Variants in CHRDL2 observed in about 807,000 individuals in gnomAD.
CHRDL2 encodes the protein chordin-like protein 2.
Under a neutral mutation model 54.3 loss-of-function variants are expected in CHRDL2, and 41 were observed. That is an observed-to-expected ratio of 0.76 (90% CI 0.59 to 0.98). The LOEUF (loss-of-function observed/expected upper bound fraction) is 0.98. Among genes scored for constraint, CHRDL2 ranks in the 50% least tolerant of loss-of-function variants. The pLI, the probability that CHRDL2 is intolerant of heterozygous loss-of-function variation, is 0.00. For missense variants in CHRDL2, 518 were observed against 562.4 expected, an observed-to-expected ratio of 0.92 and a Z score of 0.80; for synonymous variants, 220 against 224.3, an observed-to-expected ratio of 0.98 and a Z score of 0.17.
chr11:74,710,124 G>A (rs111852848), intron 4 of CHRDL2, among the ~76,000 whole-genome samples: 87 of 151,798 alleles, frequency 5.7e-4, no homozygotes, highest in African/African-American at 2.0e-3. Context: ...TCTGAGGCAG[G>A]AGAATGGCAT....
At chr11:74,716,482 C>T (rs2034355044) in intron 2 of CHRDL2, among the ~76,000 whole-genome samples, 1 of 148,788 alleles carries the variant, frequency 6.7e-6, no homozygotes, top group South Asian at 2.1e-4. Context: ...TTGCAGTGAG[C>T]CAAGATTGCA....
rs761536390 is a variant in CHRDL2 at position 74,713,380 on chromosome 11, A to G, written c.289+6T>C. On this transcript the variant is annotated splice_donor_region_variant and intron_variant, in intron 3 of 10. Transcript: ENST00000376332. ...ATGGACGATGGGGAGGAGCATGGCT[A>G]CTTACCCACACACTTGGGACAGCAT... The G allele has an allele frequency of 3.1e-6, 5 of 1,612,362 alleles. No individual in the cohort carries two copies. The highest frequency in any genetic ancestry group is 1.1e-5 in the South Asian group (1 of 91,024).
At chr11:74,723,854 C>A (rs1457709312) in intron 1 of CHRDL2, among the ~76,000 whole-genome samples, 1 of 152,086 alleles carries the variant, frequency 6.6e-6, no homozygotes, top group Non-Finnish European at 1.5e-5. Flanking sequence ...CTGGAATTTC[C>A]AATTTAACAT....
intron 9 of CHRDL2, chr11:74,697,798 A>G: frequency 3.4e-6 from 1 of 295,242 alleles, no homozygotes; most frequent in South Asian, 3.0e-5. Context: ...GGAGGGAAAA[A>G]GGAAAGGAGG....
rs116138901 is a variant in CHRDL2 at position 74,705,005 on chromosome 11, C to T, written c.583-351G>A. Among the ~76,000 whole-genome samples the T allele has an allele frequency of 3.2e-3, 494 of 152,260 alleles. 2 individuals are homozygous for T. Among genetic ancestry groups the T allele is most frequent in the African/African-American group, 0.011 (466 of 41,528 alleles). On this transcript the variant is annotated intron_variant, in intron 6 of 10. Coordinates refer to ENST00000376332, the MANE Select transcript of CHRDL2 (RefSeq NM_001278473.3). The stretch of plus-strand genomic sequence containing the variant: ...CAGGGAGAACTTCATATTTGGGAAA[C>T]AGAAGGTGAGCATGCAGTGAGGATG...
intron 3 of CHRDL2, among the ~76,000 whole-genome samples, chr11:74,712,281 G>A (rs1039973758): frequency 2.6e-5 from 4 of 152,102 alleles, no homozygotes; most frequent in African/African-American, 9.7e-5. Flanking sequence ...GGCCAGGGAA[G>A]GCTTCCTGAA....
intron 1 of CHRDL2, among the ~76,000 whole-genome samples, chr11:74,730,449 C>G (rs2034634089): frequency 6.6e-6 from 1 of 152,118 alleles, no homozygotes. Context: ...TGGCTCTTTC[C>G]AAAGGCAAAA....
intron 3 of CHRDL2, among the ~76,000 whole-genome samples, chr11:74,712,523 T>TC (rs1435718256): frequency 1.3e-5 from 2 of 151,416 alleles, no homozygotes; most frequent in African/African-American, 2.4e-5. Context: ...AGAGCCACTG[T>TC]CCCCCCGGGG....
chr11:74,720,195 G>A (rs1234991781), intron 1 of CHRDL2: 1 of 152,422 alleles, frequency 6.6e-6, no homozygotes, highest in Non-Finnish European at 1.5e-5. Flanking sequence ...GATAACGCTT[G>A]TAAAGTGTTT....
chr11:74,697,542 T>C (rs905268793), intron 9 of CHRDL2: 3 of 561,230 alleles, frequency 5.3e-6, no homozygotes, highest in Non-Finnish European at 9.8e-6. Context: ...TCCTAACCCC[T>C]TTCACTCCCC....
chr11:74,709,557 G>A (rs2135253017), intron 4 of CHRDL2, among the ~76,000 whole-genome samples: 1 of 152,288 alleles, frequency 6.6e-6, no homozygotes, highest in South Asian at 2.1e-4. Context: ...CCCTGCAAAA[G>A]GTAATTGCTT....
intron 7 of CHRDL2, among the ~76,000 whole-genome samples, chr11:74,703,814 C>T (rs868194557): frequency 6.6e-6 from 1 of 152,242 alleles, no homozygotes; most frequent in Non-Finnish European, 1.5e-5. Context: ...GGTCAACTTT[C>T]GTCATCACCT....
rs147492712 is a variant in CHRDL2 at position 74,730,347 on chromosome 11, AATG to A, written c.82+457_82+459del. Among the ~76,000 whole-genome samples the A allele has an allele frequency of 6.6e-5, 10 of 152,334 alleles. No homozygotes were observed. The East Asian group carries it at 1.7e-3, about 26-fold the overall frequency. The stretch of plus-strand genomic sequence containing the variant: ...TAAGTTTTCTCATCTGTAAAGTGCG[AATG>A]ATAATACCCACCTCACTGGAGAGTT... On this transcript the variant is annotated intron_variant, in intron 1 of 10. Transcript: ENST00000376332.
intron 3 of CHRDL2, among the ~76,000 whole-genome samples, chr11:74,712,381 T>A (rs2034221572): frequency 6.7e-6 from 1 of 149,968 alleles, no homozygotes; most frequent in East Asian, 2.0e-4. Context: ...AGAGAGGGAG[T>A]GAAGAGTGTT....
chr11:74,702,252 CA>C (rs11302036), intron 9 of CHRDL2, among the ~76,000 whole-genome samples: 105,184 of 141,650 alleles, frequency 0.74, 38,219 homozygotes, highest in Admixed American at 0.81. Context: ...GACCCTGTCT[CA>C]AAAAAAAAAA....
intron 1 of CHRDL2, among the ~76,000 whole-genome samples, chr11:74,719,823 C>G (rs1001839309): frequency 6.6e-6 from 1 of 152,162 alleles, no homozygotes; most frequent in Non-Finnish European, 1.5e-5. Flanking sequence ...CCTCCCATAA[C>G]CCACTGATCC....
At chr11:74,696,791 A>G (rs2033609268) in intron 10 of CHRDL2, among the ~76,000 whole-genome samples, 2 of 152,232 alleles carry the variant, frequency 1.3e-5, no homozygotes. Flanking sequence ...CTTGGGGGAC[A>G]GAACTGGTTT....
chr11:74,717,114 A>C (rs1554987056), intron 2 of CHRDL2, among the ~76,000 whole-genome samples: 1 of 151,742 alleles, frequency 6.6e-6, no homozygotes, highest in Non-Finnish European at 1.5e-5. Context: ...ACAAACAAAA[A>C]AAAAAAACCA....
intron 9 of CHRDL2, among the ~76,000 whole-genome samples, chr11:74,702,058 A>C (rs1439615758): frequency 1.3e-5 from 2 of 152,116 alleles, no homozygotes; most frequent in African/African-American, 4.8e-5. Context: ...GTTCCAGACT[A>C]GCCTGGGCAA....
Sources: allele counts gnomAD v4.1 joint callset (sites outside exome capture counted in the v4.1 genomes callset), GRCh38; gene constraint gnomAD v4.1.1; transcripts MANE v1.5; gene names NCBI Gene and HGNC (gene_info 2026-07-23, HGNC 2026-07-21).